The following ITIH6 variants were observed in gnomAD, a reference collection of about 807,000 sequenced individuals.
ITIH6 encodes inter-alpha-trypsin inhibitor heavy chain family member 6.
Under a neutral mutation model 58.2 loss-of-function variants are expected in ITIH6, and 60 were observed. That is an observed-to-expected ratio of 1.03 (90% CI 0.84 to 1.28). The LOEUF (loss-of-function observed/expected upper bound fraction) is 1.28. Among genes scored for constraint, ITIH6 ranks in the 50% most tolerant of loss-of-function variants. The pLI, the probability that ITIH6 is intolerant of heterozygous loss-of-function variation, is 0.00. For missense variants in ITIH6, 1,290 were observed against 1,021.1 expected, an observed-to-expected ratio of 1.26 and a Z score of -3.59; for synonymous variants, 493 against 417.4, an observed-to-expected ratio of 1.18 and a Z score of -2.21.
At chrX:54,765,621 G>T (rs1266558067) in intron 6 of ITIH6, among the ~76,000 whole-genome samples, 4 of 98,901 alleles carry the variant, frequency 4.0e-5, no homozygotes. Context: ...TTTTGAGACG[G>T]AGTCTCGCTC....
Position 54,764,310 on chromosome X carries a change from C to T in ITIH6, c.904-4383G>A, listed in dbSNP as rs375291020. On this transcript the variant is annotated intron_variant, in intron 6 of 12. Coordinates refer to ENST00000218436, the MANE Select transcript of ITIH6 (RefSeq NM_198510.3). ...TTTTAGGGTACATGTGCACATTGTG[C>T]AGGTTAGTTACATATGTATACATGT... 2.8e-5 allele frequency among the ~76,000 whole-genome samples: 3 copies of T among 105,847 alleles called. No individual in the cohort carries two copies. The East Asian group carries it at 8.8e-4, about 31-fold the overall frequency. The allele number at this position is 105,847 out of a possible 115,157, so 91.9% of individuals were successfully genotyped here.
chrX:54,785,723 G>T (rs925295146), intron 5 of ITIH6, among the ~76,000 whole-genome samples: 4 of 111,334 alleles, frequency 3.6e-5, no homozygotes, highest in African/African-American at 1.3e-4. Context: ...TATTTGTCAG[G>T]TCAAAGCATG....
chrX:54,766,051 A>G (rs1928778142), intron 6 of ITIH6, among the ~76,000 whole-genome samples: 1 of 110,553 alleles, frequency 9.0e-6, no homozygotes, highest in Non-Finnish European at 1.9e-5. Flanking sequence ...ATTTGTTTGT[A>G]TCCTCTTTTA....
At chrX:54,754,206 T>C (rs1928438348) in intron 9 of ITIH6, among the ~76,000 whole-genome samples, 1 of 111,679 alleles carries the variant, frequency 9.0e-6, no homozygotes, top group Admixed American at 9.5e-5. Flanking sequence ...ACCTGGAATG[T>C]TTTCCTTTCC....
chrX:54,797,967 A>T (rs1050734971), intron 1 of ITIH6, 142 bp downstream of exon 1: 3 of 452,092 alleles, frequency 6.6e-6, no homozygotes, highest in African/African-American at 2.5e-5. Context: ...ACATGTGCTC[A>T]GCAAATAGTA....
Position 54,750,028 on chromosome X carries a change from A to T in ITIH6, c.3809T>A (p.Val1270Glu). The T allele has an allele frequency of 8.3e-7, 1 of 1,211,502 alleles. No individual in the cohort carries two copies. The highest frequency in any genetic ancestry group is 1.1e-6 in the Non-Finnish European group (1 of 895,257). The change falls in exon 13 of 13, where the codon GTG becomes GAG. Residue 1270 changes from valine (V) to glutamate (E), a missense_variant. By Grantham distance (121) the Val-to-Glu change is moderately radical. Coordinates refer to ENST00000218436, the MANE Select transcript of ITIH6 (RefSeq NM_198510.3). Reference sequence around the variant, plus strand: ...CAGCCTCTTGCCTAGAATCACAGGCACATCTGGGCCATGGTGCCTTCGTAA... The same window carrying T: ...CAGCCTCTTGCCTAGAATCACAGGCTCATCTGGGCCATGGTGCCTTCGTAA... ...PCLRRHHGPD[V>E]PVILGKRLLK... is the part of the protein sequence containing the mutation.
intron 5 of ITIH6, among the ~76,000 whole-genome samples, chrX:54,787,010 C>T (rs919408847): frequency 9.0e-6 from 1 of 111,190 alleles, no homozygotes; most frequent in Non-Finnish European, 1.9e-5. Flanking sequence ...TAAGGGCTCA[C>T]GGTGCATGGG....
chrX:54,763,436 T>C (rs1928697374), intron 6 of ITIH6, among the ~76,000 whole-genome samples: 1 of 112,204 alleles, frequency 8.9e-6, no homozygotes, highest in Non-Finnish European at 1.9e-5. Context: ...GTGTGCTGTT[T>C]AATCTCCAAT....
rs749536669 is a variant in ITIH6 at position 54,797,067 on chromosome X, G to A, written c.132C>T (p.Ser44=). 1 of 1,210,421 alleles carries A rather than the reference G, an allele frequency of 8.3e-7. No homozygotes were observed. Among genetic ancestry groups the A allele is most frequent in the Non-Finnish European group, 1.1e-6 (1 of 894,560 alleles). The change falls in exon 2 of 13, where the codon TCC becomes TCT. Residue 44 remains serine (S), a synonymous_variant. Transcript: ENST00000218436. ...TGTGGGCATAGCGAGACACCACCGT[G>A]GAGCGCATAGAATAGCTTGTCATTA... ...KLLMTSYSMR[S]TVVSRYAHTL... is the part of the protein sequence containing the mutation.
chrX:54,773,632 C>T (rs1928995720), intron 6 of ITIH6, among the ~76,000 whole-genome samples: 1 of 109,696 alleles, frequency 9.1e-6, no homozygotes, highest in South Asian at 4.0e-4. Context: ...ATCGATATGA[C>T]TCCTGACTCT....
chrX:54,778,142 T>C (rs1484125220), intron 5 of ITIH6, among the ~76,000 whole-genome samples: 1 of 108,977 alleles, frequency 9.2e-6, no homozygotes, highest in Non-Finnish European at 1.9e-5. Flanking sequence ...TTTAAAAGAA[T>C]CAAGCAGAAA....
Position 54,757,108 on chromosome X carries a change from G to A in ITIH6, c.2966C>T (p.Pro989Leu). 1 of 1,211,804 alleles carries A rather than the reference G, an allele frequency of 8.3e-7. No individual in the cohort carries two copies. Among genetic ancestry groups the A allele is most frequent in the Admixed American group, 2.2e-5 (1 of 46,077 alleles). ...GATGGCCTCAGGGAGGATGCTAGAA[G>A]GCAGCAAGATTGGCAGGTTTGGAGG... The part of the protein sequence containing the change: ...GSPPNLPILL[P>L]SSILPEAISL... The change falls in exon 8 of 13, where the codon CCT (proline) becomes CTT (leucine). Residue 989 changes from proline to leucine, a missense_variant. Physicochemically the swap from Pro to Leu is moderately conservative, Grantham distance 98. Transcript: ENST00000218436.
chrX:54,760,979 T>C (rs1442756932), intron 6 of ITIH6, among the ~76,000 whole-genome samples: 1 of 111,621 alleles, frequency 9.0e-6, no homozygotes, highest in Admixed American at 9.5e-5. Flanking sequence ...GGTCAAATGG[T>C]ATTTCTAGTT....
chrX:54,762,574 C>T (rs758929013), intron 6 of ITIH6, among the ~76,000 whole-genome samples: 5 of 111,975 alleles, frequency 4.5e-5, no homozygotes, highest in African/African-American at 1.6e-4. Flanking sequence ...TTCCAACTTC[C>T]CTTTATTTAT....
intron 6 of ITIH6, among the ~76,000 whole-genome samples, chrX:54,770,977 A>T (rs753700205): frequency 1.5e-3 from 173 of 111,762 alleles, no homozygotes; most frequent in Middle Eastern, 4.6e-3. Context: ...TGTATACAGA[A>T]TTCTAGGCTG....
intron 7 of ITIH6, 116 bp downstream of exon 7, chrX:54,759,640 T>C (rs1389409463): frequency 7.1e-6 from 4 of 560,085 alleles, no homozygotes; most frequent in African/African-American, 7.1e-5. Context: ...TGAAATGTGG[T>C]CTTGATATTT....
At chrX:54,792,960 A>G (rs1056319518) in intron 2 of ITIH6, among the ~76,000 whole-genome samples, 12 of 109,942 alleles carry the variant, frequency 1.1e-4, no homozygotes, top group African/African-American at 4.0e-4. Context: ...TCAACCTTTT[A>G]TCCTCTCCCC....
chrX:54,794,650 G>C (rs762451535), intron 2 of ITIH6, among the ~76,000 whole-genome samples: 1 of 111,435 alleles, frequency 9.0e-6, no homozygotes, highest in South Asian at 3.8e-4. Context: ...AGTGCCAGGA[G>C]GTTCTTGATG....
At chrX:54,765,935 A>T (rs929635627) in intron 6 of ITIH6, among the ~76,000 whole-genome samples, 1 of 111,436 alleles carries the variant, frequency 9.0e-6, no homozygotes, top group Non-Finnish European at 1.9e-5. Context: ...GAAGAAAGTC[A>T]TTGGTAGATT....
Sources: gnomAD v4.1 joint callset for allele counts (sites outside exome capture counted in the v4.1 genomes callset) on GRCh38, gnomAD v4.1.1 for gene constraint, MANE v1.5 for transcripts, NCBI Gene and HGNC (gene_info 2026-07-23, HGNC 2026-07-21) for gene names.